The following SLC12A1 variants were observed in gnomAD, a reference collection of about 807,000 sequenced individuals.
SLC12A1 encodes the protein solute carrier family 12 member 1.
A neutral mutation model predicts 130.4 loss-of-function variants in SLC12A1; 89 were observed. The ratio of observed to expected loss-of-function variants is 0.68; its 90% CI spans 0.58 to 0.81. SLC12A1 has a LOEUF of 0.81. Among genes scored for constraint, SLC12A1 ranks in the 40% least tolerant of loss-of-function variants. SLC12A1 has a pLI of 0.00. For synonymous variants in SLC12A1, 499 were observed against 460.0 expected (o/e 1.08, Z -1.09); for missense variants, 1,310 against 1,336.4 (o/e 0.98, Z 0.31).
chr15:48,209,050 G>A (rs1471692136), intron 2 of SLC12A1, among the ~76,000 whole-genome samples: 1 of 152,164 alleles, frequency 6.6e-6, no homozygotes, highest in Admixed American at 6.5e-5. Context: ...TCTGTTAGAA[G>A]TGAGGCAGCA....
chr15:48,271,566 A>T (rs759405517), intron 19 of SLC12A1, among the ~76,000 whole-genome samples: 12 of 152,208 alleles, frequency 7.9e-5, no homozygotes, highest in Non-Finnish European at 1.6e-4. Flanking sequence ...GTTCTACTGA[A>T]AGGAAGCATA....
In SLC12A1 at chr15:48,285,258, T is replaced by G. The variant is rs1348273025; in HGVS notation, c.2629+9T>G. ...GACAACGCCTAAAAAAGGTAAGAAC[T>G]TTTTAAAATTTGCAAAAAAGTTTAC... On this transcript the variant is annotated intron_variant, in intron 21 of 26. Coordinates refer to ENST00000380993, the MANE Select transcript of SLC12A1 (RefSeq NM_000338.3). 5 of 1,612,636 alleles carry G rather than the reference T, an allele frequency of 3.1e-6. No individual in the cohort carries two copies. The highest frequency in any genetic ancestry group is 4.2e-6 in the Non-Finnish European group (5 of 1,179,522).
chr15:48,248,834 A>C (rs1263395400), intron 13 of SLC12A1, among the ~76,000 whole-genome samples: 2 of 152,214 alleles, frequency 1.3e-5, no homozygotes, highest in African/African-American at 4.8e-5. Context: ...ACTGGAGGTC[A>C]GGAGTTCAAG....
At chr15:48,284,618 A>G (rs534319414) in intron 20 of SLC12A1, among the ~76,000 whole-genome samples, 53 of 152,304 alleles carry the variant, frequency 3.5e-4, no homozygotes, top group African/African-American at 1.0e-3. Flanking sequence ...CTTTCTGAAT[A>G]CAATTTACTA....
chr15:48,290,700 T>C (rs1823058480), intron 23 of SLC12A1, among the ~76,000 whole-genome samples: 1 of 151,742 alleles, frequency 6.6e-6, no homozygotes, highest in Non-Finnish European at 1.5e-5. Flanking sequence ...TATGACTGCA[T>C]ATATATTATG....
intron 2 of SLC12A1, among the ~76,000 whole-genome samples, chr15:48,208,588 C>T (rs909146615): frequency 6.6e-6 from 1 of 152,196 alleles, no homozygotes; most frequent in Non-Finnish European, 1.5e-5. Flanking sequence ...GATGGGATTG[C>T]AGGCATGAGC....
Position 48,259,279 on chromosome 15 carries a change from A to C in SLC12A1, c.2122A>C (p.Ser708Arg), listed in dbSNP as rs1434497369. ...LDITHAFTKNSGLCICCEVFV... is the reference protein window; with the variant it reads ...LDITHAFTKNRGLCICCEVFV... Reference sequence around the variant, plus strand: ...CATAACTCACGCCTTTACCAAGAACAGTGGCCTTTGCATCTGCTGTGAAGT... The same window carrying C: ...CATAACTCACGCCTTTACCAAGAACCGTGGCCTTTGCATCTGCTGTGAAGT... Residue 708 changes from serine (S) to arginine (R), a missense_variant, in exon 17 of 27, where the codon AGT becomes CGT. Transcript: ENST00000380993. 1 of 1,613,694 alleles carries C rather than the reference A, an allele frequency of 6.2e-7. No individual in the cohort carries two copies. Among genetic ancestry groups the C allele is most frequent in the African/African-American group, 1.3e-5 (1 of 74,912 alleles).
At chr15:48,254,365 T>A (rs896352202) in intron 15 of SLC12A1, among the ~76,000 whole-genome samples, 1 of 151,980 alleles carries the variant, frequency 6.6e-6, no homozygotes, top group Non-Finnish European at 1.5e-5. Context: ...TTTTTATCCC[T>A]ATAAAAATAA....
chr15:48,211,795 GT>G (rs2041055082), intron 2 of SLC12A1, among the ~76,000 whole-genome samples: 2 of 152,214 alleles, frequency 1.3e-5, no homozygotes, highest in South Asian at 4.1e-4. Context: ...TAAAAAACAG[GT>G]TTGAAAGACA....
chr15:48,259,442 C>T, intron 17 of SLC12A1, 131 bp downstream of exon 17: 1 of 699,524 alleles, frequency 1.4e-6, no homozygotes. Context: ...AGCCCTCTAC[C>T]TTGATTCATA....
At position 48,208,089 on chromosome 15, in the gene SLC12A1, C is replaced by T; in HGVS notation, c.370C>T (p.Pro124Ser). 6.2e-7 allele frequency: 1 copy of T among 1,610,656 alleles called. No individual in the cohort carries two copies. Among genetic ancestry groups the T allele is most frequent in the Middle Eastern group, 1.7e-4 (1 of 6,050 alleles). The change falls in exon 2 of 27, where the codon CCC (proline) becomes TCC (serine). Residue 124 changes from proline (P) to serine (S), a missense_variant. Coordinates refer to ENST00000380993, the MANE Select transcript of SLC12A1 (RefSeq NM_000338.3). ...YYRNTGSISG[P>S]KVNRPSLLEI... ...TCGTAACACCGGCAGCATCAGTGGG[C>T]CCAAGGTCAACCGACCCAGCCTGCT... is the stretch of plus-strand genomic sequence containing the variant.
At chr15:48,262,038 T>C (rs1022123663) in intron 17 of SLC12A1, among the ~76,000 whole-genome samples, 1 of 150,806 alleles carries the variant, frequency 6.6e-6, no homozygotes, top group Non-Finnish European at 1.5e-5. Flanking sequence ...TGTGATATTG[T>C]TATTGTCAAT....
chr15:48,302,883 T>C lies in SLC12A1; in HGVS notation c.3298T>C (p.Ter1100GlnextTer9), dbSNP rs770276235. ...NHKNVLTFYS* is the reference protein window; with the variant it reads ...NHKNVLTFYSQ ...CAAAAATGTCTTGACATTTTACTCT[T>C]AAAACATGAAAGATTGGAATACATT... Residue 1100 changes from the stop codon to glutamine, a stop_lost, in exon 27 of 27, where the codon TAA becomes CAA. Transcript: ENST00000380993. 2.5e-6 allele frequency: 4 copies of C among 1,603,626 alleles called. No individual in the cohort carries two copies. The highest frequency in any genetic ancestry group is 2.6e-6 in the Non-Finnish European group (3 of 1,171,408).
At chr15:48,292,370 C>T (rs1031839358) in intron 24 of SLC12A1, among the ~76,000 whole-genome samples, 6 of 150,994 alleles carry the variant, frequency 4.0e-5, no homozygotes, top group African/African-American at 9.8e-5. Context: ...TTTGGGGGGA[C>T]GTCTAAAACT....
intron 9 of SLC12A1, among the ~76,000 whole-genome samples, chr15:48,235,777 G>C (rs1416528023): frequency 6.6e-6 from 1 of 152,050 alleles, no homozygotes; most frequent in African/African-American, 2.4e-5. Flanking sequence ...TGCTCCAAAA[G>C]GTAGCCCAGA....
intron 20 of SLC12A1, among the ~76,000 whole-genome samples, chr15:48,277,214 T>G (rs2041962429): frequency 6.6e-6 from 1 of 150,624 alleles, no homozygotes; most frequent in South Asian, 2.1e-4. Context: ...ATTGAAGACG[T>G]AGGCAAAGAA....
chr15:48,249,197 G>A (rs8034192), intron 13 of SLC12A1, among the ~76,000 whole-genome samples: 56,410 of 151,880 alleles, frequency 0.37, 14,860 homozygotes, highest in African/African-American at 0.74. Flanking sequence ...GTGCACTGCT[G>A]TTTAACTAAT....
At chr15:48,265,756 G>A (rs1413256416) in intron 17 of SLC12A1, among the ~76,000 whole-genome samples, 2 of 152,048 alleles carry the variant, frequency 1.3e-5, no homozygotes, top group East Asian at 3.9e-4. Context: ...AATATAAAGA[G>A]TCTGATCCAA....
chr15:48,250,674 C>CACACACACA lies in SLC12A1; in HGVS notation c.1787-941_1787-940insACACACACA, dbSNP rs1555383559. Among the ~76,000 whole-genome samples, 183 of 56,160 alleles carry CACACACACA rather than the reference C, an allele frequency of 3.3e-3. 1 individual carries two copies. Among genetic ancestry groups the CACACACACA allele is most frequent in the Non-Finnish European group, 3.6e-3 (106 of 29,490 alleles). The allele number at this position is 56,160 out of a possible 152,430, so 36.8% of individuals were successfully genotyped here. ...GATACACAAACCCAGAAAATGTCTG[C>CACACACACA]CTCACACACACACACACACACACAC... On this transcript the variant is annotated intron_variant, in intron 14 of 26. Transcript: ENST00000380993.
Sources: gnomAD v4.1 joint callset for allele counts (sites outside exome capture counted in the v4.1 genomes callset) on GRCh38, gnomAD v4.1.1 for gene constraint, MANE v1.5 for transcripts, NCBI Gene and HGNC (gene_info 2026-07-23, HGNC 2026-07-21) for gene names.